LAMA5: variants seen among roughly 807,000 people sequenced by gnomAD.
The protein encoded by LAMA5 is laminin subunit alpha-5.
In LAMA5, 260 loss-of-function variants were observed where a neutral mutation model predicts 433.4. The ratio of observed to expected loss-of-function variants is 0.60; its 90% CI spans 0.54 to 0.66. LAMA5 has a LOEUF of 0.66. LAMA5 is among the 30% of genes least tolerant of loss of function. The pLI, the probability that LAMA5 is intolerant of heterozygous loss-of-function variation, is 0.00. For synonymous variants in LAMA5, 2,620 were observed against 2,226.6 expected (o/e 1.18, Z -4.97); for missense variants, 5,378 against 5,258.5 (o/e 1.02, Z -0.70).
At position 62,316,902 on chromosome 20, in the gene LAMA5, G is replaced by C. The variant is rs1193030907; in HGVS notation, c.7633C>G (p.Gln2545Glu). ...CTCACCGCCCACGTGTGGTCCGCCT[G>C]CTGCAGGGCCTGGCCAGCAGCATCC... Reference protein sequence around the residue: ...AEDAAGQALQQADHTWATVVR... With the variant: ...AEDAAGQALQEADHTWATVVR... Residue 2545 changes from glutamine (Q) to glutamate (E), a missense_variant, in exon 56 of 80, where the codon CAG becomes GAG. Gln to Glu is a conservative substitution (Grantham distance 29). Coordinates refer to ENST00000252999, the MANE Select transcript of LAMA5 (RefSeq NM_005560.6). 6.5e-7 allele frequency: 1 copy of C among 1,538,994 alleles called. No homozygotes were observed. Among genetic ancestry groups the C allele is most frequent in the Non-Finnish European group, 8.8e-7 (1 of 1,141,460 alleles).
Position 62,338,357 on chromosome 20 carries a change from G to A in LAMA5, c.1631C>T (p.Ser544Phe), listed in dbSNP as rs775361025. ...GCGGTCATCGGCCACTCCAGGGCTG[G>A]AACACTGGCAGGCTGCAGGAAAGGG... ...YGPGCQPCQC[S>F]SPGVADDRCD... Residue 544 changes from serine (S) to phenylalanine (F), a missense_variant, in exon 13 of 80, where the codon TCC (serine) becomes TTC (phenylalanine). Ser to Phe is a radical substitution (Grantham distance 155, BLOSUM62 -2). Transcript: ENST00000252999. 1 of 1,608,928 alleles carries A rather than the reference G, an allele frequency of 6.2e-7. No homozygotes were observed. The highest frequency in any genetic ancestry group is 1.7e-5 in the Admixed American group (1 of 59,638).
Position 62,332,242 on chromosome 20 carries a change from T to A in LAMA5, c.3552+130A>T, listed in dbSNP as rs554212753. The A allele has an allele frequency of 1.1e-5, 7 of 662,566 alleles. No individual in the cohort carries two copies. The African/African-American group carries it at 1.3e-4, about 12-fold the overall frequency. The allele number at this position is 662,566 out of a possible 1,614,324, so 41.0% of individuals were successfully genotyped here. On this transcript the variant is annotated intron_variant, in intron 28 of 79. Coordinates refer to ENST00000252999, the MANE Select transcript of LAMA5 (RefSeq NM_005560.6). ...AGGAGGGGTTCCAGAAGAAACATGCTGGGCTGGGCATGAGCGAGTGTGGCC... is the reference window on the plus strand; with the variant it reads ...AGGAGGGGTTCCAGAAGAAACATGCAGGGCTGGGCATGAGCGAGTGTGGCC...
chr20:62,345,956 T>A (rs1983294144), intron 10 of LAMA5, 79 bp from the exon 11 acceptor site: 3 of 1,568,652 alleles, frequency 1.9e-6, no homozygotes, highest in Non-Finnish European at 2.6e-6. Context: ...CCTTGGTCTC[T>A]CAGCACAATC....
In LAMA5 at chr20:62,312,396, T is replaced by G; in HGVS notation, c.9360+4A>C. 1 of 1,599,124 alleles carries G rather than the reference T, an allele frequency of 6.3e-7. No homozygotes were observed. ...CCACCCCCAGCCCGGGGAGGGCTGCTCACCAGCAGGTCGGCGGTGCAGCCG... is the reference window on the plus strand; with the variant it reads ...CCACCCCCAGCCCGGGGAGGGCTGCGCACCAGCAGGTCGGCGGTGCAGCCG... On this transcript the variant is annotated splice_donor_region_variant and intron_variant, in intron 68 of 79. Coordinates refer to ENST00000252999, the MANE Select transcript of LAMA5 (RefSeq NM_005560.6).
At chr20:62,316,483 G>A (rs893510702) in intron 57 of LAMA5, among the ~76,000 whole-genome samples, 188 bp downstream of exon 57, 1 of 152,118 alleles carries the variant, frequency 6.6e-6, no homozygotes. Context: ...CTCCTCCCTG[G>A]ACTCCCCTGC....
intron 18 of LAMA5, among the ~76,000 whole-genome samples, chr20:62,335,692 A>C (rs1264430763): frequency 0.047 from 1,361 of 28,932 alleles, no homozygotes; most frequent in Middle Eastern, 0.14. Flanking sequence ...ACCCCCACAC[A>C]CTAACACCCC....
Position 62,335,097 on chromosome 20 carries a change from G to C in LAMA5, c.2406C>G (p.His802Gln). ...AGGACGCGCAGGCCTGGCCGCACAC[G>C]TGGGGCTTGCAGAAGCACTGGCCGG... Reference protein sequence around the residue: ...PGTGQCFCKPHVCGQACASCK... With the variant: ...PGTGQCFCKPQVCGQACASCK... The change falls in exon 20 of 80, where the codon CAC (histidine) becomes CAG (glutamine). Residue 802 changes from histidine (H) to glutamine (Q), a missense_variant. His to Gln is a conservative substitution (Grantham distance 24). Coordinates refer to ENST00000252999, the MANE Select transcript of LAMA5 (RefSeq NM_005560.6). 6.2e-7 allele frequency: 1 copy of C among 1,613,032 alleles called. No homozygotes were observed. Among genetic ancestry groups the C allele is most frequent in the African/African-American group, 1.3e-5 (1 of 75,004 alleles).
Position 62,333,197 on chromosome 20 carries a change from C to A in LAMA5, c.3175G>T (p.Ala1059Ser), listed in dbSNP as rs776498744. 7.9e-6 allele frequency: 12 copies of A among 1,521,616 alleles called. No homozygotes were observed. Among genetic ancestry groups the A allele is most frequent in the Middle Eastern group, 1.8e-4 (1 of 5,540 alleles). The allele number at this position is 1,521,616 out of a possible 1,614,324, so 94.3% of individuals were successfully genotyped here. ...TGGCGACACAGGGCCTCCAGCCCGG[C>A]GGCCGAGGGGAAGCCATCCAGGGGG... Reference protein sequence around the residue: ...HLPLDGFPSAAGLEALCRQDN... With the variant: ...HLPLDGFPSASGLEALCRQDN... The change falls in exon 26 of 80, where the codon GCC (alanine) becomes TCC (serine). Residue 1059 changes from alanine to serine, a missense_variant. Transcript: ENST00000252999.
intron 40 of LAMA5, among the ~76,000 whole-genome samples, chr20:62,325,901 T>C (rs1979201011): frequency 6.6e-6 from 1 of 152,138 alleles, no homozygotes; most frequent in African/African-American, 2.4e-5. Flanking sequence ...TAAATTCAAG[T>C]ACATTAACTA....
At chr20:62,362,286 GC>G (rs1986218544) in intron 2 of LAMA5, 113 bp downstream of exon 2, 5 of 1,081,402 alleles carry the variant, frequency 4.6e-6, no homozygotes, top group Non-Finnish European at 6.1e-6. Flanking sequence ...AGCCTCCCAG[GC>G]CCCAGGTCTC....
intron 11 of LAMA5, chr20:62,342,281 C>T (rs536193455): frequency 3.3e-5 from 12 of 363,212 alleles, no homozygotes; most frequent in African/African-American, 4.5e-5. Context: ...CCAGCCTGGA[C>T]GACAGAGTGA....
Position 62,317,485 on chromosome 20 carries a change from G to A in LAMA5, c.7371C>T (p.Leu2457=), listed in dbSNP as rs760930386. 40 of 1,548,922 alleles carry A rather than the reference G, an allele frequency of 2.6e-5. No individual in the cohort carries two copies. Among genetic ancestry groups the A allele is most frequent in the East Asian group, 6.9e-5 (3 of 43,464 alleles). Residue 2457 remains leucine (L), a synonymous_variant, in exon 55 of 80, where the codon CTC becomes CTT. Transcript: ENST00000252999. ...TCCGAGCCCCATCCAGGCTGGCGGCGAGGCGCTCCAGCTCCTGGAATTTGA... is the reference window on the plus strand; with the variant it reads ...TCCGAGCCCCATCCAGGCTGGCGGCAAGGCGCTCCAGCTCCTGGAATTTGA... ...LDQAKEELER[L]AASLDGARTP...
At chr20:62,336,488 C>G (rs770965388) in intron 17 of LAMA5, 43 bp from the exon 18 acceptor site, 1 of 1,498,134 alleles carries the variant, frequency 6.7e-7, no homozygotes, top group Non-Finnish European at 9.2e-7. Flanking sequence ...GCGCCCTGCT[C>G]TCCCACCCAC....
rs1163254683 is a variant in LAMA5, at chr20:62,317,276, C to G, written c.7511+69G>C. ...GCCCCTAGGAGCCTTCCCAGACCAG[C>G]TGGCCCTCCCAAGGCCCTGTCTGCA... On this transcript the variant is annotated intron_variant, in intron 55 of 79. Coordinates refer to ENST00000252999, the MANE Select transcript of LAMA5 (RefSeq NM_005560.6). 6 of 1,437,324 alleles carry G rather than the reference C, an allele frequency of 4.2e-6. No homozygotes were observed. In the African/African-American group the frequency reaches 8.6e-5, roughly 21 times the overall value. 89.0% of individuals were successfully genotyped at this position (1,437,324 alleles called of 1,614,324 possible).
intron 1 of LAMA5, 43 bp downstream of exon 1, chr20:62,366,906 G>A (rs1986795056): frequency 2.4e-6 from 3 of 1,238,186 alleles, no homozygotes; most frequent in Non-Finnish European, 2.0e-6. Context: ...TTCCGGGTCC[G>A]AGTGCCCCGG....
chr20:62,338,259 CG>C lies in LAMA5; in HGVS notation c.1728del (p.Gly577AlafsTer126). ...FEGATCDRCA[P>X]GYFHFPLCQL... ...TGGCAGAGAGGGAAGTGAAAGTAGC[CG>C]GGGGCACAGCGATCACATGTGGCCC... On this transcript the variant is annotated frameshift_variant, in exon 13 of 80. Transcript: ENST00000252999. LOFTEE classifies it high-confidence loss of function. 2 of 1,599,768 alleles carry C rather than the reference CG, an allele frequency of 1.3e-6. No homozygotes were observed. Among genetic ancestry groups the C allele is most frequent in the Non-Finnish European group, 1.7e-6 (2 of 1,172,504 alleles).
At chr20:62,309,867 G>A (rs1486474668) in intron 78 of LAMA5, 32 bp from the exon 79 acceptor site, 3 of 1,609,700 alleles carry the variant, frequency 1.9e-6, no homozygotes, top group East Asian at 2.2e-5. Flanking sequence ...GAGGCCAGGT[G>A]GTCCTCAGCC....
At chr20:62,325,011 G>A (rs902405749) in intron 41 of LAMA5, 13 of 378,466 alleles carry the variant, frequency 3.4e-5, no homozygotes, top group South Asian at 1.5e-4. Context: ...CAGGATGGTC[G>A]GTGGGGGATG....
At chr20:62,322,939 C>G (rs567284951) in intron 45 of LAMA5, among the ~76,000 whole-genome samples, 181 bp from the exon 46 acceptor site, 1 of 151,920 alleles carries the variant, frequency 6.6e-6, no homozygotes, top group Non-Finnish European at 1.5e-5. Context: ...CCCCTGGGCC[C>G]GAGGGACCTG....
Sources: allele counts gnomAD v4.1 joint callset (sites outside exome capture counted in the v4.1 genomes callset), GRCh38; gene constraint gnomAD v4.1.1; transcripts MANE v1.5; gene names NCBI Gene and HGNC (gene_info 2026-07-23, HGNC 2026-07-21).